MCF2L: variants seen among roughly 807,000 people sequenced by gnomAD.
MCF2L encodes the protein MCF.2 cell line derived transforming sequence like, also known as guanine nucleotide exchange factor DBS.
A neutral mutation model predicts 153.4 loss-of-function variants in MCF2L; 97 were observed. That is an observed-to-expected ratio of 0.63 (90% CI 0.54 to 0.75). The LOEUF is 0.75. Ranked by LOEUF, MCF2L falls within the 30% of genes least tolerant of loss-of-function variation. The probability of loss-of-function intolerance (pLI) is 0.00; values close to 1 mark genes in which losing one functional copy is unlikely to be tolerated. For synonymous variants in MCF2L, 659 were observed against 632.2 expected, an observed-to-expected ratio of 1.04 and a Z score of -0.64; for missense variants, 1,347 against 1,495.2, an observed-to-expected ratio of 0.90 and a Z score of 1.64.
At chr13:113,049,122 G>A (rs906501084) in intron 4 of MCF2L, among the ~76,000 whole-genome samples, 1 of 152,236 alleles carries the variant, frequency 6.6e-6, no homozygotes, top group Non-Finnish European at 1.5e-5. Flanking sequence ...ACATTGGATG[G>A]GCCAGGAGAC....
At chr13:112,915,556 A>G (rs902021549) in intron 2 of MCF2L, among the ~76,000 whole-genome samples, 3 of 151,766 alleles carry the variant, frequency 2.0e-5, no homozygotes, top group South Asian at 2.1e-4. Flanking sequence ...CACACCCACT[A>G]CTTTAATTAC....
Position 112,943,985 on chromosome 13 carries a change from T to G in MCF2L, c.169+41614T>G, listed in dbSNP as rs561425049. ...AGGGTCCCGGGCCGTGAGGGGAGGG[T>G]CCCGGGTGAGGGGAGGGTCCCGGGC... On this transcript the variant is annotated intron_variant, in intron 2 of 29. Transcript: ENST00000375608. This position sits in a 1 kb window ranked among gnomAD's most constrained non-coding sequence, Gnocchi z 4.2. Among the ~76,000 whole-genome samples, 8 of 130,656 alleles carry G rather than the reference T, an allele frequency of 6.1e-5. No homozygotes were observed. Among genetic ancestry groups the G allele is most frequent in the South Asian group, 2.7e-4 (1 of 3,722 alleles). 85.7% of individuals were successfully genotyped at this position (130,656 alleles called of 152,430 possible).
intron 2 of MCF2L, among the ~76,000 whole-genome samples, chr13:112,952,393 C>G (rs1464812007): frequency 1.3e-5 from 2 of 152,130 alleles, no homozygotes; most frequent in East Asian, 1.9e-4. Context: ...TCTGGGGATC[C>G]CAATGTGATC....
chr13:113,017,186 C>G (rs2084583841), intron 2 of MCF2L, among the ~76,000 whole-genome samples: 1 of 152,252 alleles, frequency 6.6e-6, no homozygotes, highest in South Asian at 2.1e-4. Context: ...CCTGAGGCTG[C>G]GCCTGCACTC....
intron 1 of MCF2L, chr13:113,001,988 G>T (rs1179639156): frequency 4.4e-6 from 7 of 1,576,000 alleles, no homozygotes; most frequent in Non-Finnish European, 5.1e-6. Context: ...GCGCAGGTGC[G>T]TGGGGCGCGG....
chr13:113,004,713 C>A (rs905923094), intron 1 of MCF2L, among the ~76,000 whole-genome samples: 3 of 152,246 alleles, frequency 2.0e-5, no homozygotes, highest in African/African-American at 7.2e-5. Context: ...GGTCTGTGCT[C>A]CCGCAGGGCC....
chr13:113,017,679 C>T (rs1396337801), intron 2 of MCF2L, among the ~76,000 whole-genome samples: 1 of 152,142 alleles, frequency 6.6e-6, no homozygotes, highest in Non-Finnish European at 1.5e-5. Context: ...GGGACTCGCT[C>T]TCCCTGTCTC....
At position 113,028,045 on chromosome 13, in the gene MCF2L, T is replaced by C. The variant is rs2085422063; in HGVS notation, c.278+3287T>C. On this transcript the variant is annotated intron_variant, in intron 3 of 29. Transcript: ENST00000535094. This position sits in a 1 kb window ranked among gnomAD's most constrained non-coding sequence, Gnocchi z 5.4. Reference sequence around the variant, plus strand: ...CATGGGGCTAAATGAGATTCTGTGGTGTCCACACTGAATGCTGACTGGTCA... The same window carrying C: ...CATGGGGCTAAATGAGATTCTGTGGCGTCCACACTGAATGCTGACTGGTCA... Among the ~76,000 whole-genome samples the C allele has an allele frequency of 6.6e-6, 1 of 152,198 alleles. No homozygotes were observed. Among genetic ancestry groups the C allele is most frequent in the Non-Finnish European group, 1.5e-5 (1 of 68,024 alleles).
At chr13:112,900,158 C>T (rs547461655) in intron 1 of MCF2L, among the ~76,000 whole-genome samples, 95 of 152,330 alleles carry the variant, frequency 6.2e-4, no homozygotes, top group African/African-American at 2.1e-3. Context: ...AAGGACAAAA[C>T]AGCATTTTGC....
At chr13:112,955,914 G>T (rs1277149337) in intron 2 of MCF2L, 6 of 152,210 alleles carry the variant, frequency 3.9e-5, no homozygotes, top group Admixed American at 2.0e-4. Context: ...AGTCCCGGAG[G>T]ATGGATGCCA....
chr13:112,922,770 G>T (rs930288592), intron 2 of MCF2L, among the ~76,000 whole-genome samples: 1 of 152,218 alleles, frequency 6.6e-6, no homozygotes, highest in Non-Finnish European at 1.5e-5. Context: ...GGGAGGCGGA[G>T]GTTGCAGTGA....
chr13:113,024,730 G>C lies in MCF2L; in HGVS notation c.250G>C (p.Val84Leu). 6.2e-7 allele frequency: 1 copy of C among 1,614,180 alleles called. No homozygotes were observed. The highest frequency in any genetic ancestry group is 8.5e-7 in the Non-Finnish European group (1 of 1,179,998). ...SEIPDKEFQN[V>L]MTYLTSIPSL... ...GATTCCGGACAAGGAGTTCCAGAATGTCATGACCTACCTCACCAGCATCCC... is the reference window on the plus strand; with the variant it reads ...GATTCCGGACAAGGAGTTCCAGAATCTCATGACCTACCTCACCAGCATCCC... Residue 84 changes from valine to leucine, a missense_variant, in exon 3 of 30, where the codon GTC (valine) becomes CTC (leucine). Coordinates refer to ENST00000535094, the MANE Select transcript of MCF2L (RefSeq NM_001112732.3).
rs1231300019 is a variant in MCF2L, at chr13:113,086,148, T to C, written c.2272T>C (p.Cys758Arg). Residue 758 changes from cysteine (C) to arginine (R), a missense_variant, in exon 21 of 30, where the codon TGC (cysteine) becomes CGC (arginine). This residue lies in a region of MCF2L where 144 missense variants were observed against 238.7 expected (regional missense o/e 0.60). Coordinates refer to ENST00000535094, the MANE Select transcript of MCF2L (RefSeq NM_001112732.3). ...LKEMLKYSRNCEGAEDLQEAL... is the reference protein window; with the variant it reads ...LKEMLKYSRNREGAEDLQEAL... ...GGAAATGCTGAAATACAGCAGGAAC[T>C]GCGAGGGGGCTGAGGACCTGCAGGA... 12 of 1,609,300 alleles carry C rather than the reference T, an allele frequency of 7.5e-6. No homozygotes were observed. The East Asian group carries it at 2.7e-4, about 36-fold the overall frequency.
chr13:112,979,179 C>T, intron 1 of MCF2L: 2 of 299,356 alleles, frequency 6.7e-6, no homozygotes, highest in Non-Finnish European at 9.9e-6. Flanking sequence ...ACGTCCCTCC[C>T]TTCCTCTGGG....
intron 2 of MCF2L, among the ~76,000 whole-genome samples, chr13:112,920,748 C>G (rs190501159): frequency 6.6e-6 from 1 of 151,578 alleles, no homozygotes; most frequent in Non-Finnish European, 1.5e-5. Context: ...AGGACCCGAC[C>G]GAGCTCTTCC....
At chr13:113,041,476 G>A (rs1022129404) in intron 3 of MCF2L, among the ~76,000 whole-genome samples, 1 of 151,922 alleles carries the variant, frequency 6.6e-6, no homozygotes, top group African/African-American at 2.4e-5. Context: ...CGTGACCACA[G>A]TCAGTATGGG....
In MCF2L at chr13:113,014,782, C is replaced by T. The variant is rs2084401803; in HGVS notation, c.99C>T (p.Asp33=). The change falls in exon 2 of 30, where the codon GAC becomes GAT. Residue 33 remains aspartate, a synonymous_variant. Transcript: ENST00000535094. ...GTGCAGATGAAATCATGCACCAGGA[C>T]ATCGTCCCGCTCTGTGCTGCCGACA... The part of the protein sequence containing the change: ...SKHTDEIMHQ[D]IVPLCAADIQ... The T allele has an allele frequency of 6.2e-7, 1 of 1,614,006 alleles. No homozygotes were observed. Among genetic ancestry groups the T allele is most frequent in the Non-Finnish European group, 8.5e-7 (1 of 1,179,972 alleles).
In MCF2L at chr13:112,943,499, G is replaced by C. The variant is rs537503547; in HGVS notation, c.169+41128G>C. ...CGCGGCGGCCCGGGCTTTGAGAGAC[G>C]GGCCGCTCTTCCCGGCGCGGTGCCT... On this transcript the variant is annotated intron_variant, in intron 2 of 29. Transcript: ENST00000375608. This position sits in a 1 kb window ranked among gnomAD's most constrained non-coding sequence, Gnocchi z 4.2. 2.4e-3 allele frequency among the ~76,000 whole-genome samples: 370 copies of C among 152,072 alleles called. 1 individual carries two copies. Among genetic ancestry groups the C allele is most frequent in the Middle Eastern group, 0.021 (6 of 292 alleles).
chr13:112,911,273 T>C (rs2081228976), intron 2 of MCF2L, among the ~76,000 whole-genome samples: 1 of 152,182 alleles, frequency 6.6e-6, no homozygotes, highest in Non-Finnish European at 1.5e-5. Flanking sequence ...CCGTTTGCAA[T>C]GTCCCACGGC....
Sources: gnomAD v4.1 joint callset for allele counts (sites outside exome capture counted in the v4.1 genomes callset) on GRCh38, gnomAD v4.1.1 for gene constraint, gnomAD v4.1.1 regional missense constraint, Gnocchi (gnomAD v3.1) non-coding constraint, MANE v1.5 for transcripts, NCBI Gene and HGNC (gene_info 2026-07-23, HGNC 2026-07-21) for gene names.